The following DGKA variants were observed in gnomAD, a reference collection of about 807,000 sequenced individuals.
DGKA encodes the protein diacylglycerol kinase alpha.
DGKA carries 35 observed loss-of-function variants against 105.0 expected under a neutral mutation model. The ratio of observed to expected loss-of-function variants is 0.33; its 90% confidence interval spans 0.25 to 0.44. The LOEUF is 0.44. Ranked by LOEUF, DGKA falls within the 20% of genes least tolerant of loss-of-function variation. DGKA has a pLI of 1.00. For missense variants in DGKA, 665 were observed against 915.0 expected (o/e 0.73, Z 3.53); for synonymous variants, 296 against 332.0 (o/e 0.89, Z 1.18).
chr12:55,941,685 C>A, intron 15 of DGKA, 101 bp downstream of exon 15: 1 of 1,231,930 alleles, frequency 8.1e-7, no homozygotes, highest in Non-Finnish European at 1.2e-6. Flanking sequence ...GAGAGGAGGG[C>A]TAGAGATCCC....
In DGKA at chr12:55,940,400, G is replaced by T; in HGVS notation, c.885G>T (p.Leu295=). 6.2e-7 allele frequency: 1 copy of T among 1,614,216 alleles called. No homozygotes were observed. Among genetic ancestry groups the T allele is most frequent in the South Asian group, 1.1e-5 (1 of 91,070 alleles). ...CQKKIRIYHS[L]TGLHCVWCHL... ...AAAAGATCCGGATCTACCACAGTCT[G>T]ACCGGGCTGCATTGTGTATGGTGCC... Residue 295 remains leucine (L), a synonymous_variant, in exon 11 of 24, where the codon CTG becomes CTT. Coordinates refer to ENST00000331886, the MANE Select transcript of DGKA (RefSeq NM_001345.5). The surrounding 1 kb of genome is among the most constrained non-coding windows in gnomAD (Gnocchi z 4.3).
intron 6 of DGKA, 87 bp from the exon 7 acceptor site, chr12:55,938,828 G>T: frequency 6.3e-7 from 1 of 1,575,730 alleles, no homozygotes; most frequent in East Asian, 2.2e-5. Flanking sequence ...ATCTGGGGTG[G>T]AACCCAGGAA....
chr12:55,939,099 C>A, intron 7 of DGKA, 87 bp from the exon 8 acceptor site: 1 of 1,605,090 alleles, frequency 6.2e-7, no homozygotes, highest in Non-Finnish European at 8.5e-7. Context: ...GCTAGGATGG[C>A]TGGGCTGGAT....
Position 55,942,086 on chromosome 12 carries a change from C to A in DGKA, c.1336+3C>A. 6.2e-7 allele frequency: 1 copy of A among 1,614,052 alleles called. No individual in the cohort carries two copies. The highest frequency in any genetic ancestry group is 1.1e-5 in the South Asian group (1 of 91,026). On this transcript the variant is annotated splice_donor_region_variant and intron_variant, in intron 16 of 23. Transcript: ENST00000331886. ...AGGCTGGATTCTAGAGACCATTGGTCAGTGCAGGGAGGGGCGTGGGGAAGG... is the reference window on the plus strand; with the variant it reads ...AGGCTGGATTCTAGAGACCATTGGTAAGTGCAGGGAGGGGCGTGGGGAAGG...
At position 55,940,481 on chromosome 12, in the gene DGKA, T is replaced by C. The variant is rs374492516; in HGVS notation, c.918+48T>C. On this transcript the variant is annotated intron_variant, in intron 11 of 23. Transcript: ENST00000331886. The surrounding 1 kb of genome is among the most constrained non-coding windows in gnomAD (Gnocchi z 4.3). ...CTGGGTGCGTCTTACCCCGCAGAGC[T>C]GCCTTCTCCACGGGCCTCCGGCCAC... 6 of 1,606,064 alleles carry C rather than the reference T, an allele frequency of 3.7e-6. No individual in the cohort carries two copies. The African/African-American group carries it at 6.7e-5, about 18-fold the overall frequency.
intron 17 of DGKA, among the ~76,000 whole-genome samples, chr12:55,944,736 C>G (rs1192082761): frequency 6.6e-6 from 1 of 152,126 alleles, no homozygotes; most frequent in East Asian, 1.9e-4. Flanking sequence ...AGGACATTTC[C>G]TAGGTTTGTG....
chr12:55,945,329 A>T (rs1030586117), intron 17 of DGKA, among the ~76,000 whole-genome samples: 1 of 152,184 alleles, frequency 6.6e-6, no homozygotes, highest in Non-Finnish European at 1.5e-5. Flanking sequence ...GAGGTAAGAG[A>T]AGGTGAACAA....
At chr12:55,929,789 G>C (rs1467852801), upstream of DGKA, 1 of 152,180 alleles carries the variant, frequency 6.6e-6, no homozygotes, top group Non-Finnish European at 1.5e-5. Flanking sequence ...GGGTATGATG[G>C]AGCACAGATC....
Position 55,953,775 on chromosome 12 carries a change from C to T in DGKA, c.*7C>T, listed in dbSNP as rs751064835. 4.4e-5 allele frequency: 71 copies of T among 1,613,630 alleles called. No individual in the cohort carries two copies. Among genetic ancestry groups the T allele is most frequent in the Non-Finnish European group, 5.8e-5 (69 of 1,179,674 alleles). On this transcript the variant is annotated 3_prime_UTR_variant, in exon 24 of 24. Coordinates refer to ENST00000331886, the MANE Select transcript of DGKA (RefSeq NM_001345.5). ...CTTTGGCTTCTTGAGCTAAGGGGGA[C>T]ACCCTTGGCCTCCAAGCCAGCCTTG... is the stretch of plus-strand genomic sequence containing the variant.
At chr12:55,937,215 A>C (rs1453295820) in intron 3 of DGKA, 125 bp downstream of exon 3, 1 of 1,248,482 alleles carries the variant, frequency 8.0e-7, no homozygotes, top group Non-Finnish European at 1.2e-6. Context: ...CCTAGTGTCC[A>C]TTGTCACTCT....
At chr12:55,948,196 T>G (rs1396741455) in intron 17 of DGKA, among the ~76,000 whole-genome samples, 1 of 147,782 alleles carries the variant, frequency 6.8e-6, no homozygotes, top group African/African-American at 2.5e-5. Flanking sequence ...GGTCAGGACT[T>G]CAAGACCAGC....
At position 55,942,239 on chromosome 12, in the gene DGKA, G is replaced by C; in HGVS notation, c.1402G>C (p.Ala468Pro). The C allele has an allele frequency of 6.2e-7, 1 of 1,614,190 alleles. No homozygotes were observed. Among genetic ancestry groups the C allele is most frequent in the Non-Finnish European group, 8.5e-7 (1 of 1,180,036 alleles). ...GCCCCTGGGTACTGGAAATGATCTG[G>C]CTCGATGCCTAAGATGGGGAGGAGG... ...VLPLGTGNDLARCLRWGGGYE... is the reference protein window; with the variant it reads ...VLPLGTGNDLPRCLRWGGGYE... The change falls in exon 17 of 24, where the codon GCT becomes CCT. Residue 468 changes from alanine (A) to proline (P), a missense_variant. This residue lies in a region of DGKA where 504 missense variants were observed against 681.2 expected (regional missense o/e 0.74). Transcript: ENST00000331886.
intron 22 of DGKA, 61 bp from the exon 23 acceptor site, chr12:55,953,276 AAAGCCAACCTAAG>A: frequency 6.2e-7 from 1 of 1,612,328 alleles, no homozygotes; most frequent in Non-Finnish European, 8.5e-7. Flanking sequence ...AAAAGGTCTC[AAAGCCAACCTAAG>A]AAGCAGAGTT....
In DGKA at chr12:55,932,261, G is replaced by C; in HGVS notation, c.-82+917G>C. The C allele has an allele frequency of 2.2e-6, 1 of 456,800 alleles. No homozygotes were observed. The highest frequency in any genetic ancestry group is 4.0e-5 in the East Asian group (1 of 24,898). The allele number at this position is 456,800 out of a possible 1,614,324, so 28.3% of individuals were successfully genotyped here. A position where few individuals can be genotyped will look rare whatever the true frequency, so the allele number is the denominator to read the frequency against. Reference sequence around the variant, plus strand: ...AAGCGTGACAGCTGGAGCGGGTATCGAGAAGGGTCTGCGCTGGGACGCGGG... The same window carrying C: ...AAGCGTGACAGCTGGAGCGGGTATCCAGAAGGGTCTGCGCTGGGACGCGGG... On this transcript the variant is annotated intron_variant, in intron 1 of 23. Transcript: ENST00000331886. This position sits in a 1 kb window ranked among gnomAD's most constrained non-coding sequence, Gnocchi z 4.3.
At chr12:55,937,833 G>T in intron 4 of DGKA, 145 bp from the exon 5 acceptor site, 1 of 774,488 alleles carries the variant, frequency 1.3e-6, no homozygotes, top group Non-Finnish European at 2.1e-6. Context: ...CTGCACTCCA[G>T]CCTCAGTGAC....
chr12:55,953,445 C>A, intron 23 of DGKA, 35 bp downstream of exon 23: 1 of 1,606,716 alleles, frequency 6.2e-7, no homozygotes, highest in East Asian at 2.2e-5. Flanking sequence ...AAATTAAACC[C>A]TTGGGCTCCA....
chr12:55,940,362 G>C lies in DGKA; in HGVS notation c.847G>C (p.Asp283His), dbSNP rs971728900. ...VRGGCESGRC[D>H]RCQKKIRIYH... ...AGGAGGCTGTGAGTCCGGGCGCTGC[G>C]ACCGCTGTCAGAAAAAGATCCGGAT... The change falls in exon 11 of 24, where the codon GAC becomes CAC. Residue 283 changes from aspartate (D) to histidine (H), a missense_variant. Coordinates refer to ENST00000331886, the MANE Select transcript of DGKA (RefSeq NM_001345.5). The surrounding 1 kb of genome is among the most constrained non-coding windows in gnomAD (Gnocchi z 4.3). 5 of 1,614,034 alleles carry C rather than the reference G, an allele frequency of 3.1e-6. No homozygotes were observed. The highest frequency in any genetic ancestry group is 3.3e-5 in the Admixed American group (2 of 60,000).
chr12:55,951,902 G>T, intron 18 of DGKA, 119 bp downstream of exon 18: 1 of 1,497,472 alleles, frequency 6.7e-7, no homozygotes, highest in Non-Finnish European at 9.2e-7. Flanking sequence ...AATTGGGAGT[G>T]CAGTACAGTG....
chr12:55,947,328 A>G (rs76644869), intron 17 of DGKA, among the ~76,000 whole-genome samples: 4,006 of 152,228 alleles, frequency 0.026, 88 homozygotes, highest in Non-Finnish European at 0.039. Context: ...GACTACAATT[A>G]TAATACATGC....
Sources: gnomAD v4.1 joint callset for allele counts (sites outside exome capture counted in the v4.1 genomes callset) on GRCh38, gnomAD v4.1.1 for gene constraint, gnomAD v4.1.1 regional missense constraint, Gnocchi (gnomAD v3.1) non-coding constraint, MANE v1.5 for transcripts, NCBI Gene and HGNC (gene_info 2026-07-23, HGNC 2026-07-21) for gene names.